The following POLQ variants were observed in gnomAD, a reference collection of about 807,000 sequenced individuals.
POLQ encodes the protein DNA polymerase theta.
POLQ carries 233 observed loss-of-function variants against 259.2 expected under a neutral mutation model. The observed-to-expected ratio is 0.90, with a 90% CI of 0.81 to 1.00. POLQ has a LOEUF of 1.00. Ranked by LOEUF, POLQ falls within the 50% of genes least tolerant of loss-of-function variation. The pLI is 0.00. For missense variants in POLQ, 2,871 were observed against 3,051.6 expected, an observed-to-expected ratio of 0.94 and a Z score of 1.39; for synonymous variants, 1,025 against 1,048.8, an observed-to-expected ratio of 0.98 and a Z score of 0.44.
chr3:121,520,941 C>T (rs1250300311), intron 8 of POLQ, among the ~76,000 whole-genome samples: 1 of 152,130 alleles, frequency 6.6e-6, no homozygotes, highest in Non-Finnish European at 1.5e-5. Context: ...AGAATATATA[C>T]TTAGCTGGCT....
intron 9 of POLQ, 81 bp from the exon 10 acceptor site, chr3:121,512,110 C>T: frequency 7.9e-7 from 1 of 1,258,320 alleles, no homozygotes; most frequent in African/African-American, 1.5e-5. Flanking sequence ...AGTTGCCTTA[C>T]TTTGCTTAAA....
chr3:121,459,555 G>C (rs1442847762), intron 25 of POLQ, among the ~76,000 whole-genome samples: 1 of 151,862 alleles, frequency 6.6e-6, no homozygotes, highest in African/African-American at 2.4e-5. Context: ...CTAAGTTTTT[G>C]TATTTTTAGT....
At chr3:121,530,974 G>A (rs943109397) in intron 6 of POLQ, among the ~76,000 whole-genome samples, 2 of 152,138 alleles carry the variant, frequency 1.3e-5, no homozygotes, top group South Asian at 2.1e-4. Context: ...CGAGGCCTGA[G>A]GTCAGGAGCT....
rs137861559 is a variant in POLQ at position 121,519,940 on chromosome 3, G to A, written c.1399C>T (p.Arg467Ter). ...TTATAAGTAAGAATATCTAGAGGTC[G>A]ACCACCAAAAATAGGGGTTCGAATA... ...VIIRTPIFGG[R>*]PLDILTYKQM... Residue 467 changes from arginine to a stop codon, truncating the protein, a stop_gained, in exon 9 of 30, where the codon CGA (arginine) becomes TGA (stop). Transcript: ENST00000264233. LOFTEE classifies it high-confidence loss of function. 1.0e-4 allele frequency: 161 copies of A among 1,611,844 alleles called. No homozygotes were observed. Among genetic ancestry groups the A allele is most frequent in the Non-Finnish European group, 1.3e-4 (151 of 1,178,314 alleles).
intron 2 of POLQ, among the ~76,000 whole-genome samples, chr3:121,542,932 A>G (rs553362357): frequency 6.6e-6 from 1 of 152,206 alleles, no homozygotes; most frequent in Non-Finnish European, 1.5e-5. Context: ...GGTTGCAGTG[A>G]GCTGAGATTG....
At chr3:121,485,591 G>C (rs2048004929) in intron 16 of POLQ, among the ~76,000 whole-genome samples, 1 of 152,152 alleles carries the variant, frequency 6.6e-6, no homozygotes, top group South Asian at 2.1e-4. Flanking sequence ...TGTATCTAGA[G>C]TCAATGTTTT....
chr3:121,468,008 G>A (rs1461021390), intron 23 of POLQ, among the ~76,000 whole-genome samples: 1 of 152,150 alleles, frequency 6.6e-6, no homozygotes, highest in Non-Finnish European at 1.5e-5. Context: ...ACTCCAGCCT[G>A]GGCAAGAGAG....
rs928451708 is a variant in POLQ at position 121,492,797 on chromosome 3, A to C, written c.2522+681T>G. Among the ~76,000 whole-genome samples the C allele has an allele frequency of 1.0e-4, 12 of 119,958 alleles. No homozygotes were observed. In the East Asian group the frequency reaches 3.7e-3, roughly 37 times the overall value. The allele number at this position is 119,958 out of a possible 152,430, so 78.7% of individuals were successfully genotyped here. The stretch of plus-strand genomic sequence containing the variant: ...ACTATAGGCACATGCCACCATGCCC[A>C]GCTATTTTTTTTTTTTTTTTTTTCA... On this transcript the variant is annotated intron_variant, in intron 15 of 29. Coordinates refer to ENST00000264233, the MANE Select transcript of POLQ (RefSeq NM_199420.4).
intron 10 of POLQ, among the ~76,000 whole-genome samples, chr3:121,510,702 CT>C (rs2048248658): frequency 6.6e-6 from 1 of 152,164 alleles, no homozygotes; most frequent in Non-Finnish European, 1.5e-5. Flanking sequence ...TCTTTATTTA[CT>C]TTCCCATCAC....
At chr3:121,519,516 A>G (rs2048322977) in intron 9 of POLQ, among the ~76,000 whole-genome samples, 1 of 150,380 alleles carries the variant, frequency 6.6e-6, no homozygotes, top group Non-Finnish European at 1.5e-5. Flanking sequence ...TCTACTAAAA[A>G]TACAAAAAAA....
At position 121,473,507 on chromosome 3, in the gene POLQ, C is replaced by G; in HGVS notation, c.6406-20G>C. On this transcript the variant is annotated intron_variant, in intron 20 of 29. Coordinates refer to ENST00000264233, the MANE Select transcript of POLQ (RefSeq NM_199420.4). Reference sequence around the variant, plus strand: ...TAAAACCTGCAAGAAATTAATGTCTCTTTAGTCAAGAATGAAACTTGCAAG... The same window carrying G: ...TAAAACCTGCAAGAAATTAATGTCTGTTTAGTCAAGAATGAAACTTGCAAG... 6.3e-7 allele frequency: 1 copy of G among 1,593,558 alleles called. No homozygotes were observed. Among genetic ancestry groups the G allele is most frequent in the Non-Finnish European group, 8.6e-7 (1 of 1,168,730 alleles).
chr3:121,532,951 A>C (rs757339434), intron 6 of POLQ, 39 bp downstream of exon 6: 1 of 1,250,328 alleles, frequency 8.0e-7, no homozygotes, highest in Non-Finnish European at 1.1e-6. Context: ...AATCAAACAC[A>C]CAGATAAAAA....
Position 121,519,978 on chromosome 3 carries a change from G to GCAGGTAAATTCACCC in POLQ, c.1346_1360dup (p.Gly449_Pro453dup). ...AGGGGTTCGAATAATCACACGACGT[G>GCAGGTAAATTCACCC]CAGGTAAATTCACCCCAGAAGAAAG... On this transcript the variant is annotated inframe_insertion, in exon 9 of 30. Transcript: ENST00000264233. The GCAGGTAAATTCACCC allele has an allele frequency of 6.2e-7, 1 of 1,611,628 alleles. No homozygotes were observed. Among genetic ancestry groups the GCAGGTAAATTCACCC allele is most frequent in the Non-Finnish European group, 8.5e-7 (1 of 1,177,814 alleles).
chr3:121,448,955 G>A (rs564244864), intron 26 of POLQ, among the ~76,000 whole-genome samples: 61 of 152,132 alleles, frequency 4.0e-4, no homozygotes, highest in African/African-American at 1.3e-3. Context: ...AGAATTCCTC[G>A]TATATTTAAT....
chr3:121,492,146 T>G (rs943550167), intron 15 of POLQ, among the ~76,000 whole-genome samples: 1 of 152,012 alleles, frequency 6.6e-6, no homozygotes, highest in Non-Finnish European at 1.5e-5. Context: ...GGTTAAGGTC[T>G]CAGAGCTGGG....
intron 7 of POLQ, among the ~76,000 whole-genome samples, chr3:121,526,035 T>A (rs1262283002): frequency 1.3e-5 from 2 of 152,198 alleles, no homozygotes; most frequent in Non-Finnish European, 2.9e-5. Flanking sequence ...ATGTTGACAG[T>A]CCTTTCCATA....
intron 2 of POLQ, 37 bp from the exon 3 acceptor site, chr3:121,541,516 A>C: frequency 6.4e-7 from 1 of 1,555,634 alleles, no homozygotes; most frequent in Non-Finnish European, 8.7e-7. Context: ...ATAAGAAAAA[A>C]GTAATATTCG....
At chr3:121,433,941 G>A (rs1005300475) in intron 28 of POLQ, among the ~76,000 whole-genome samples, 11 of 152,194 alleles carry the variant, frequency 7.2e-5, no homozygotes, top group African/African-American at 2.7e-4. Context: ...TTTGCTCAGA[G>A]GTGGCTCTCA....
chr3:121,452,322 A>T (rs182866852), intron 25 of POLQ, among the ~76,000 whole-genome samples: 231 of 152,138 alleles, frequency 1.5e-3, no homozygotes, highest in Middle Eastern at 6.8e-3. Context: ...TGAACCTGGT[A>T]CCTCAGTTGG....
Sources: allele counts gnomAD v4.1 joint callset (sites outside exome capture counted in the v4.1 genomes callset), GRCh38; gene constraint gnomAD v4.1.1; transcripts MANE v1.5; gene names NCBI Gene and HGNC (gene_info 2026-07-23, HGNC 2026-07-21).